The following PRELP variants were observed in gnomAD, a reference collection of about 807,000 sequenced individuals.
PRELP encodes the protein prolargin.
Under a neutral mutation model 22.8 loss-of-function variants are expected in PRELP, and 16 were observed. The observed-to-expected ratio is 0.70, with a 90% confidence interval of 0.47 to 1.06. The LOEUF (loss-of-function observed/expected upper bound fraction) is 1.06, where lower values mean the gene tolerates loss of function less well. Ranked by LOEUF, PRELP falls within the 50% of genes least tolerant of loss-of-function variation. PRELP has a pLI of 0.00. For synonymous variants in PRELP, 233 were observed against 211.4 expected (o/e 1.10, Z -0.89); for missense variants, 434 against 485.2 (o/e 0.89, Z 0.99).
chr1:203,479,572 A>G (rs73056532), intron 1 of PRELP, among the ~76,000 whole-genome samples: 5,298 of 152,006 alleles, frequency 0.035, 313 homozygotes, highest in African/African-American at 0.12. Context: ...CTGTGGTAGC[A>G]CATGCCTATA....
chr1:203,489,080 G>A lies in PRELP; in HGVS notation c.*2199G>A, dbSNP rs1661146209. On this transcript the variant is annotated 3_prime_UTR_variant, in exon 3 of 3. Coordinates refer to ENST00000343110, the MANE Select transcript of PRELP (RefSeq NM_002725.4). ...AATCGCCGCATTCTTTCTAGCTGCA[G>A]CTGGTTTCTTCAAGGCTCCTGCTTA... 2.0e-5 allele frequency: 3 copies of A among 152,626 alleles called. No individual in the cohort carries two copies. In the South Asian group the frequency reaches 6.2e-4, roughly 32 times the overall value. The allele number at this position is 152,626 out of a possible 1,614,324, so 9.5% of individuals were successfully genotyped here.
chr1:203,477,822 G>T (rs1207301151), intron 1 of PRELP, among the ~76,000 whole-genome samples: 1 of 152,204 alleles, frequency 6.6e-6, no homozygotes, highest in African/African-American at 2.4e-5. Context: ...CTCACCTGTT[G>T]CAGAAAGCAT....
intron 1 of PRELP, among the ~76,000 whole-genome samples, chr1:203,478,330 G>A (rs1660945820): frequency 1.3e-5 from 2 of 152,280 alleles, no homozygotes; most frequent in South Asian, 2.1e-4. Context: ...GAATGGGGCA[G>A]AGGATATGGT....
At position 203,486,798 on chromosome 1, in the gene PRELP, C is replaced by A. The variant is rs1231519763; in HGVS notation, c.1066C>A (p.Arg356=). 1.9e-6 allele frequency: 3 copies of A among 1,614,186 alleles called. No individual in the cohort carries two copies. The highest frequency in any genetic ancestry group is 2.5e-6 in the Non-Finnish European group (3 of 1,180,006). The change falls in exon 3 of 3, where the codon CGG becomes AGG. Residue 356 remains arginine (R), a synonymous_variant. Coordinates refer to ENST00000343110, the MANE Select transcript of PRELP (RefSeq NM_002725.4). ...LENVPHLRYL[R]LDGNYLKPPI... is the part of the protein sequence containing the mutation. The stretch of plus-strand genomic sequence containing the variant: ...GAACGTGCCACACCTGCGCTACCTG[C>A]GGCTGGATGGAAACTACTTGAAGCC...
chr1:203,477,269 G>T (rs150140146), intron 1 of PRELP, among the ~76,000 whole-genome samples: 1 of 152,196 alleles, frequency 6.6e-6, no homozygotes, highest in African/African-American at 2.4e-5. Flanking sequence ...GCCTGAGAGA[G>T]AGCTTTGCTG....
Position 203,490,453 on chromosome 1 carries a change from C to T in PRELP, c.*3572C>T, listed in dbSNP as rs1463199650. ...TTTCAAGCTACATGTACTAAATTGTCGAAGGTCTCCCAGGAGCTCTGTACT... is the reference window on the plus strand; with the variant it reads ...TTTCAAGCTACATGTACTAAATTGTTGAAGGTCTCCCAGGAGCTCTGTACT... On this transcript the variant is annotated 3_prime_UTR_variant, in exon 3 of 3. Transcript: ENST00000343110. The T allele has an allele frequency of 1.3e-5, 2 of 152,140 alleles. No individual in the cohort carries two copies. Among genetic ancestry groups the T allele is most frequent in the South Asian group, 2.1e-4 (1 of 4,820 alleles). The allele number at this position is 152,140 out of a possible 1,614,324, so 9.4% of individuals were successfully genotyped here. A position where few individuals can be genotyped will look rare whatever the true frequency, so the allele number is the denominator to read the frequency against.
In PRELP at chr1:203,483,288, G is replaced by T; in HGVS notation, c.104G>T (p.Arg35Ile). 1 of 1,613,724 alleles carries T rather than the reference G, an allele frequency of 6.2e-7. No individual in the cohort carries two copies. Among genetic ancestry groups the T allele is most frequent in the Non-Finnish European group, 8.5e-7 (1 of 1,179,802 alleles). ...AGACCCGGGACTGGGCCCGGGCGCA[G>T]ACCCAGGCCCAGGCCCAGGCCCACA... ...RPRPGTGPGR[R>I]PRPRPRPTPS... The change falls in exon 2 of 3, where the codon AGA becomes ATA. Residue 35 changes from arginine (R) to isoleucine (I), a missense_variant. Arg to Ile is a moderately conservative substitution (Grantham distance 97). Coordinates refer to ENST00000343110, the MANE Select transcript of PRELP (RefSeq NM_002725.4). This position sits in a 1 kb window ranked among gnomAD's most constrained non-coding sequence, Gnocchi z 4.4.
Position 203,486,712 on chromosome 1 carries a change from A to G in PRELP, c.980A>G (p.Asn327Ser), listed in dbSNP as rs760584616. ...YLNNNSIEKINGTQICPNDLV... is the reference protein window; with the variant it reads ...YLNNNSIEKISGTQICPNDLV... ...TCGTCTTCTTTTTCCGTAGAAATCA[A>G]CGGAACCCAGATTTGCCCCAACGAC... Residue 327 changes from asparagine to serine, a missense_variant, in exon 3 of 3, where the codon AAC becomes AGC. By Grantham distance (46) the Asn-to-Ser change is conservative. Coordinates refer to ENST00000343110, the MANE Select transcript of PRELP (RefSeq NM_002725.4). 3 of 1,609,920 alleles carry G rather than the reference A, an allele frequency of 1.9e-6. No homozygotes were observed. The highest frequency in any genetic ancestry group is 1.7e-4 in the Middle Eastern group (1 of 6,038).
At chr1:203,479,390 G>C (rs1660960869) in intron 1 of PRELP, among the ~76,000 whole-genome samples, 1 of 152,106 alleles carries the variant, frequency 6.6e-6, no homozygotes, top group Non-Finnish European at 1.5e-5. Context: ...GATAGGGAAG[G>C]GGGCTATCTC....
rs1481162641 is a variant in PRELP, at chr1:203,490,547, G to A, written c.*3666G>A. On this transcript the variant is annotated 3_prime_UTR_variant, in exon 3 of 3. Coordinates refer to ENST00000343110, the MANE Select transcript of PRELP (RefSeq NM_002725.4). ...AAGTAAAGCTTACAGACTAACTGGGGAGATGTAGTGTGCATACAAAACAGT... is the reference window on the plus strand; with the variant it reads ...AAGTAAAGCTTACAGACTAACTGGGAAGATGTAGTGTGCATACAAAACAGT... 1.3e-5 allele frequency: 2 copies of A among 152,230 alleles called. No homozygotes were observed. The highest frequency in any genetic ancestry group is 6.5e-5 in the Admixed American group (1 of 15,288). 9.4% of individuals were successfully genotyped at this position (152,230 alleles called of 1,614,324 possible).
At chr1:203,482,506 G>T (rs1371501980) in intron 1 of PRELP, among the ~76,000 whole-genome samples, 1 of 150,644 alleles carries the variant, frequency 6.6e-6, no homozygotes, top group Non-Finnish European at 1.5e-5. Context: ...TCGAACTCCT[G>T]ACCTGAAGTG....
chr1:203,483,365 C>T lies in PRELP; in HGVS notation c.181C>T (p.Pro61Ser), dbSNP rs770590815. The change falls in exon 2 of 3, where the codon CCC becomes TCC. Residue 61 changes from proline (P) to serine (S), a missense_variant. Coordinates refer to ENST00000343110, the MANE Select transcript of PRELP (RefSeq NM_002725.4). This position sits in a 1 kb window ranked among gnomAD's most constrained non-coding sequence, Gnocchi z 4.4. ...AGCAGAGCCAACAGACCTGCCTCCT[C>T]CCCTCCCTCCAGGCCCTCCATCTAT... Reference protein sequence around the residue: ...EPAEPTDLPPPLPPGPPSIFP... With the variant: ...EPAEPTDLPPSLPPGPPSIFP... 2.5e-6 allele frequency: 4 copies of T among 1,614,000 alleles called. No homozygotes were observed. The African/African-American group carries it at 5.3e-5, about 22-fold the overall frequency.
intron 1 of PRELP, among the ~76,000 whole-genome samples, chr1:203,478,096 T>A (rs1181645505): frequency 6.6e-6 from 1 of 152,176 alleles, no homozygotes; most frequent in East Asian, 1.9e-4. Context: ...GACCTTAACA[T>A]TCAGAAAACA....
At position 203,483,961 on chromosome 1, in the gene PRELP, C is replaced by T. The variant is rs370979066; in HGVS notation, c.777C>T (p.Asn259=). 1.6e-5 allele frequency: 26 copies of T among 1,614,132 alleles called. 1 individual carries two copies. Among genetic ancestry groups the T allele is most frequent in the East Asian group, 1.3e-4 (6 of 44,902 alleles). The change falls in exon 2 of 3, where the codon AAC becomes AAT. Residue 259 remains asparagine, a synonymous_variant. Transcript: ENST00000343110. This position sits in a 1 kb window ranked among gnomAD's most constrained non-coding sequence, Gnocchi z 4.4. ...LDSNKIETIP[N]GYFKSFPNLA... ...GTAACAAGATTGAGACCATCCCTAA[C>T]GGATACTTCAAGAGCTTTCCCAATC...
rs41313926 is a variant in PRELP, at chr1:203,483,281, G to C, written c.97G>C (p.Gly33Arg). ...TRRPRPGTGP[G>R]RRPRPRPRPT... is the part of the protein sequence containing the mutation. ...ACGACCAAGACCCGGGACTGGGCCC[G>C]GGCGCAGACCCAGGCCCAGGCCCAG... Residue 33 changes from glycine to arginine, a missense_variant, in exon 2 of 3, where the codon GGG becomes CGG. Transcript: ENST00000343110. This position sits in a 1 kb window ranked among gnomAD's most constrained non-coding sequence, Gnocchi z 4.4. 6 of 1,613,132 alleles carry C rather than the reference G, an allele frequency of 3.7e-6. No homozygotes were observed. The Admixed American group carries it at 1.0e-4, about 27-fold the overall frequency.
intron 1 of PRELP, 68 bp downstream of exon 1, chr1:203,476,006 C>T (rs185545694): frequency 2.9e-4 from 44 of 152,790 alleles, no homozygotes; most frequent in African/African-American, 1.0e-3. Context: ...TCCTCCAGCT[C>T]TGTCCATTTA....
intron 1 of PRELP, among the ~76,000 whole-genome samples, chr1:203,477,549 C>T (rs1341758408): frequency 2.6e-5 from 4 of 152,110 alleles, no homozygotes; most frequent in Non-Finnish European, 4.4e-5. Context: ...ACCCCAGGAG[C>T]ATGTGCTGGG....
chr1:203,479,043 C>T (rs549792130), intron 1 of PRELP, among the ~76,000 whole-genome samples: 1 of 152,284 alleles, frequency 6.6e-6, no homozygotes, highest in African/African-American at 2.4e-5. Flanking sequence ...CGACATTCAC[C>T]GGCACAGCGC....
Position 203,486,832 on chromosome 1 carries a change from C to G in PRELP, c.1100C>G (p.Pro367Arg). The change falls in exon 3 of 3, where the codon CCG (proline) becomes CGG (arginine). Residue 367 changes from proline (P) to arginine (R), a missense_variant. Physicochemically the swap from Pro to Arg is moderately radical, Grantham distance 103. Transcript: ENST00000343110. ...GGAAACTACTTGAAGCCGCCCATCC[C>G]GCTGGACCTCATGATGTGCTTCCGC... ...LDGNYLKPPI[P>R]LDLMMCFRLL... The G allele has an allele frequency of 6.2e-7, 1 of 1,614,188 alleles. No individual in the cohort carries two copies. The highest frequency in any genetic ancestry group is 8.5e-7 in the Non-Finnish European group (1 of 1,180,028).
Sources: allele counts gnomAD v4.1 joint callset (sites outside exome capture counted in the v4.1 genomes callset), GRCh38; gene constraint gnomAD v4.1.1; non-coding constraint Gnocchi (gnomAD v3.1); transcripts MANE v1.5; gene names NCBI Gene and HGNC (gene_info 2026-07-23, HGNC 2026-07-21).